Variants in MRPL37 observed in about 807,000 individuals in gnomAD.
MRPL37 encodes mitochondrial ribosomal protein L37, also known as large ribosomal subunit protein mL37.
MRPL37 carries 34 observed loss-of-function variants against 44.1 expected under a neutral mutation model. The ratio of observed to expected loss-of-function variants is 0.77; its 90% CI spans 0.59 to 1.03. The LOEUF is 1.03. Ranked by LOEUF, MRPL37 falls within the 50% of genes least tolerant of loss-of-function variation. The pLI, the probability that MRPL37 is intolerant of heterozygous loss-of-function variation, is 0.00. For missense variants in MRPL37, 532 were observed against 543.7 expected, an observed-to-expected ratio of 0.98 and a Z score of 0.21; for synonymous variants, 212 against 219.5, an observed-to-expected ratio of 0.97 and a Z score of 0.30.
At position 54,218,315 on chromosome 1, in the gene MRPL37, C is replaced by G. The variant is rs1062675; in HGVS notation, c.*66C>G. On this transcript the variant is annotated 3_prime_UTR_variant, in exon 7 of 7. Coordinates refer to ENST00000360840, the MANE Select transcript of MRPL37 (RefSeq NM_016491.4). ...CTTCCACGGAAGAGGGCCTGGGCCCCGTGGAGCCTCAGTGCCCGTTTGGCC... is the reference window on the plus strand; with the variant it reads ...CTTCCACGGAAGAGGGCCTGGGCCCGGTGGAGCCTCAGTGCCCGTTTGGCC... 15 of 1,610,974 alleles carry G rather than the reference C, an allele frequency of 9.3e-6. No homozygotes were observed. The highest frequency in any genetic ancestry group is 3.3e-5 in the South Asian group (3 of 90,748).
chr1:54,216,486 A>G (rs1168112238), intron 6 of MRPL37, 142 bp downstream of exon 6: 1 of 962,124 alleles, frequency 1.0e-6, no homozygotes, highest in African/African-American at 1.6e-5. Context: ...TGCCTGGAGG[A>G]CTCCTTCAGT....
intron 6 of MRPL37, among the ~76,000 whole-genome samples, chr1:54,217,470 TCTC>T (rs1247175684): frequency 6.6e-6 from 1 of 152,136 alleles, no homozygotes; most frequent in Non-Finnish European, 1.5e-5. Flanking sequence ...GGAGACAGCT[TCTC>T]CTCACCTCTG....
chr1:54,212,329 A>G (rs1416961518), intron 4 of MRPL37, among the ~76,000 whole-genome samples, 172 bp from the exon 5 acceptor site: 1 of 152,222 alleles, frequency 6.6e-6, no homozygotes, highest in Non-Finnish European at 1.5e-5. Context: ...AGCAGGCCAG[A>G]TTTGGCCAGC....
chr1:54,223,943 G>A (rs1644255014), downstream of MRPL37, among the ~76,000 whole-genome samples: 1 of 152,216 alleles, frequency 6.6e-6, no homozygotes, highest in South Asian at 2.1e-4. Flanking sequence ...CTGCACCAGG[G>A]CCATTTGTGT....
Position 54,218,372 on chromosome 1 carries a change from C to T in MRPL37, c.*123C>T, listed in dbSNP as rs1444136237. 42 of 1,558,150 alleles carry T rather than the reference C, an allele frequency of 2.7e-5. No homozygotes were observed. In the Admixed American group the frequency reaches 3.7e-4, roughly 14 times the overall value. Reference sequence around the variant, plus strand: ...TCTCGCTGACAATAAAGAGCCCTTGCGTTGCACTGAAGCCTGTGTTTGGTA... The same window carrying T: ...TCTCGCTGACAATAAAGAGCCCTTGTGTTGCACTGAAGCCTGTGTTTGGTA... On this transcript the variant is annotated 3_prime_UTR_variant, in exon 7 of 7. Transcript: ENST00000360840.
intron 3 of MRPL37, among the ~76,000 whole-genome samples, chr1:54,206,943 G>A (rs1413109712): frequency 2.6e-5 from 4 of 151,942 alleles, no homozygotes; most frequent in Non-Finnish European, 5.9e-5. Context: ...AGTAGAGACG[G>A]GGTTTCACTA....
intron 3 of MRPL37, among the ~76,000 whole-genome samples, chr1:54,208,050 A>G (rs1557732229): frequency 6.6e-6 from 1 of 151,878 alleles, no homozygotes; most frequent in Non-Finnish European, 1.5e-5. Context: ...TCCTGTGGGG[A>G]CCTCTGTGAA....
At chr1:54,212,808 G>T (rs1024878441) in intron 5 of MRPL37, 150 bp downstream of exon 5, 1 of 1,096,398 alleles carries the variant, frequency 9.1e-7, no homozygotes, top group Non-Finnish European at 1.3e-6. Flanking sequence ...ACCCTGTGGA[G>T]ATGAGCCAAC....
chr1:54,221,736 TCTC>T (rs1385224700), downstream of MRPL37, among the ~76,000 whole-genome samples: 1 of 151,938 alleles, frequency 6.6e-6, no homozygotes, highest in East Asian at 1.9e-4. Context: ...GACCCATGGA[TCTC>T]CTCCTCCCCA....
intron 3 of MRPL37, among the ~76,000 whole-genome samples, chr1:54,208,565 A>AAC (rs1278932271): frequency 1.3e-5 from 2 of 150,774 alleles, no homozygotes; most frequent in Non-Finnish European, 3.0e-5. Flanking sequence ...AAAAAAAAAA[A>AAC]AAAAGAATCT....
chr1:54,204,575 A>G (rs556101505), intron 1 of MRPL37, among the ~76,000 whole-genome samples: 1 of 152,344 alleles, frequency 6.6e-6, no homozygotes, highest in South Asian at 2.1e-4. Flanking sequence ...CCCACACCTA[A>G]TAATAATGAG....
At position 54,210,007 on chromosome 1, in the gene MRPL37, G is replaced by A. The variant is rs969618645; in HGVS notation, c.708G>A (p.Leu236=). The A allele has an allele frequency of 6.2e-7, 1 of 1,614,028 alleles. No individual in the cohort carries two copies. The highest frequency in any genetic ancestry group is 1.3e-5 in the African/African-American group (1 of 74,910). Reference sequence around the variant, plus strand: ...CCCGACTGAGCACTAAGGATCCTCTGCCCACCATCGCCTCCAGAGAGGAGA... The same window carrying A: ...CCCGACTGAGCACTAAGGATCCTCTACCCACCATCGCCTCCAGAGAGGAGA... The part of the protein sequence containing the change: ...GGARLSTKDP[L]PTIASREEIE... Residue 236 remains leucine, a synonymous_variant, in exon 4 of 7, where the codon CTG becomes CTA. Transcript: ENST00000360840.
intron 3 of MRPL37, among the ~76,000 whole-genome samples, chr1:54,209,321 A>T (rs1365735306): frequency 6.6e-6 from 1 of 152,146 alleles, no homozygotes; most frequent in Admixed American, 6.6e-5. Flanking sequence ...CCTCTTAGGG[A>T]TCCCAGGATT....
At chr1:54,216,399 G>A in intron 6 of MRPL37, 55 bp downstream of exon 6, 3 of 1,579,928 alleles carry the variant, frequency 1.9e-6, no homozygotes, top group Middle Eastern at 2.2e-4. Flanking sequence ...CTCCTACCTG[G>A]TGTGAGCCTC....
chr1:54,208,405 C>A (rs181099128), intron 3 of MRPL37, among the ~76,000 whole-genome samples: 1 of 151,974 alleles, frequency 6.6e-6, no homozygotes, highest in Non-Finnish European at 1.5e-5. Flanking sequence ...AAAAATTAGC[C>A]GGGCATGGTG....
intron 5 of MRPL37, among the ~76,000 whole-genome samples, chr1:54,213,833 A>C (rs1644180646): frequency 6.6e-6 from 1 of 152,228 alleles, no homozygotes; most frequent in African/African-American, 2.4e-5. Flanking sequence ...GGATCACTTG[A>C]GGCCAGGAGT....
downstream of MRPL37, chr1:54,220,740 C>G (rs77097524): frequency 0.012 from 5,763 of 471,384 alleles, 107 homozygotes; most frequent in East Asian, 0.06. Context: ...TACAGGCTCC[C>G]CAGCCAGTGA....
chr1:54,200,319 C>T lies in MRPL37; in HGVS notation c.76C>T (p.Pro26Ser). The change falls in exon 1 of 7, where the codon CCG becomes TCG. Residue 26 changes from proline to serine, a missense_variant. Pro to Ser is a moderately conservative substitution (Grantham distance 74). Coordinates refer to ENST00000360840, the MANE Select transcript of MRPL37 (RefSeq NM_016491.4). Reference protein sequence around the residue: ...GQLGLGGFGAPRRGAYEWGVR... With the variant: ...GQLGLGGFGASRRGAYEWGVR... The stretch of plus-strand genomic sequence containing the variant: ...GCTCGGCCTTGGGGGCTTCGGGGCC[C>T]CGAGACGCGGGGCGTATGAGTGGGG... 1 of 1,613,498 alleles carries T rather than the reference C, an allele frequency of 6.2e-7. No homozygotes were observed. Among genetic ancestry groups the T allele is most frequent in the Non-Finnish European group, 8.5e-7 (1 of 1,179,830 alleles).
At position 54,205,117 on chromosome 1, in the gene MRPL37, A is replaced by T. The variant is rs745455760; in HGVS notation, c.446A>T (p.Asn149Ile). ...GATGATCCAAGGAACCACATAGAGAACCAAGACGAGTGCGTTCTGAATGTG... is the reference window on the plus strand; with the variant it reads ...GATGATCCAAGGAACCACATAGAGATCCAAGACGAGTGCGTTCTGAATGTG... ...LVDDPRNHIE[N>I]QDECVLNVIS... The change falls in exon 2 of 7, where the codon AAC (asparagine) becomes ATC (isoleucine). Residue 149 changes from asparagine (N) to isoleucine (I), a missense_variant. By Grantham distance (149) the Asn-to-Ile change is moderately radical (BLOSUM62 -3). Coordinates refer to ENST00000360840, the MANE Select transcript of MRPL37 (RefSeq NM_016491.4). 4 of 1,614,132 alleles carry T rather than the reference A, an allele frequency of 2.5e-6. No individual in the cohort carries two copies. The highest frequency in any genetic ancestry group is 8.5e-7 in the Non-Finnish European group (1 of 1,180,022).
Sources: gnomAD v4.1 joint callset for allele counts (sites outside exome capture counted in the v4.1 genomes callset) on GRCh38, gnomAD v4.1.1 for gene constraint, MANE v1.5 for transcripts, NCBI Gene and HGNC (gene_info 2026-07-23, HGNC 2026-07-21) for gene names.